Variants in HLCS observed in about 807,000 individuals in gnomAD.
HLCS encodes biotin--protein ligase.
A neutral mutation model predicts 75.0 loss-of-function variants in HLCS; 53 were observed. The observed-to-expected ratio is 0.71, with a 90% confidence interval of 0.57 to 0.89. The LOEUF (loss-of-function observed/expected upper bound fraction) is 0.89. Ranked by LOEUF, HLCS falls within the 40% of genes least tolerant of loss-of-function variation. The probability of loss-of-function intolerance (pLI) is 0.00; values close to 1 mark genes in which losing one functional copy is unlikely to be tolerated. For synonymous variants in HLCS, 431 were observed against 428.6 expected (o/e 1.01, Z -0.07); for missense variants, 966 against 1,074.0 (o/e 0.90, Z 1.41).
At chr21:36,888,432 TAAAA>T (rs1191691491) in intron 6 of HLCS, among the ~76,000 whole-genome samples, 241 of 23,694 alleles carry the variant, frequency 0.01, no homozygotes, top group Admixed American at 0.013. Flanking sequence ...CCTTCCCATT[TAAAA>T]AAAAAAAAAA....
intron 4 of HLCS, among the ~76,000 whole-genome samples, chr21:36,932,310 T>C (rs1201208918): frequency 6.6e-6 from 1 of 152,216 alleles, no homozygotes; most frequent in Non-Finnish European, 1.5e-5. Flanking sequence ...AATTAGCCTA[T>C]GGTAACATTG....
chr21:36,756,181 G>A (rs567390172), intron 10 of HLCS, among the ~76,000 whole-genome samples: 10 of 152,190 alleles, frequency 6.6e-5, no homozygotes, highest in Admixed American at 3.3e-4. Context: ...GCTCACACCT[G>A]TAATCCCAGC....
At chr21:36,775,572 C>G (rs2060332293) in intron 6 of HLCS, among the ~76,000 whole-genome samples, 1 of 152,250 alleles carries the variant, frequency 6.6e-6, no homozygotes, top group South Asian at 2.1e-4. Flanking sequence ...TGACGGCGAG[C>G]CTTCACTGCG....
rs2066924267 is a variant in HLCS, at chr21:36,937,058, T to C, written c.828A>G (p.Pro276=). The change falls in exon 4 of 11, where the codon CCA becomes CCG. Residue 276 remains proline, a synonymous_variant. Coordinates refer to ENST00000674895, the MANE Select transcript of HLCS (RefSeq NM_001352514.2). ...SVKFASAENI[P]DLPYDYSSSL... is the part of the protein sequence containing the mutation. Reference sequence around the variant, plus strand: ...TGCTGCTATAATCGTAGGGAAGGTCTGGAATGTTCTCGGCAGACGCAAACT... The same window carrying C: ...TGCTGCTATAATCGTAGGGAAGGTCCGGAATGTTCTCGGCAGACGCAAACT... 4 of 1,614,140 alleles carry C rather than the reference T, an allele frequency of 2.5e-6. No individual in the cohort carries two copies. The highest frequency in any genetic ancestry group is 3.4e-6 in the Non-Finnish European group (4 of 1,180,028).
chr21:36,860,401 C>T (rs1277617929), intron 6 of HLCS, among the ~76,000 whole-genome samples: 1 of 143,656 alleles, frequency 7.0e-6, no homozygotes, highest in Non-Finnish European at 1.6e-5. Context: ...GGCTAATTCC[C>T]CAAACTAGCC....
intron 5 of HLCS, among the ~76,000 whole-genome samples, chr21:36,900,582 G>A (rs369293296): frequency 6.6e-6 from 1 of 152,134 alleles, no homozygotes; most frequent in African/African-American, 2.4e-5. Context: ...AAGGTCGTGG[G>A]ATGTCCTACC....
chr21:36,890,558 C>T (rs1601643745), intron 6 of HLCS, among the ~76,000 whole-genome samples: 2 of 152,130 alleles, frequency 1.3e-5, no homozygotes, highest in East Asian at 3.9e-4. Context: ...AAACACACTT[C>T]CAAATTTGTG....
intron 6 of HLCS, among the ~76,000 whole-genome samples, chr21:36,882,030 C>G (rs2064241266): frequency 6.6e-6 from 1 of 151,768 alleles, no homozygotes; most frequent in African/African-American, 2.4e-5. Context: ...CGCCTGTAAT[C>G]CCAGCATTTT....
At chr21:36,907,947 C>T (rs2065531439) in intron 5 of HLCS, among the ~76,000 whole-genome samples, 1 of 152,058 alleles carries the variant, frequency 6.6e-6, no homozygotes, top group African/African-American at 2.4e-5. Context: ...TTAGATACCA[C>T]TATACATCCA....
chr21:36,930,131 G>A (rs898954862), intron 5 of HLCS, 120 bp downstream of exon 5: 44 of 928,920 alleles, frequency 4.7e-5, no homozygotes, highest in Non-Finnish European at 7.2e-5. Context: ...TTCCAAACCC[G>A]AAGTCAAAAC....
At chr21:36,872,872 G>A (rs73385297) in intron 6 of HLCS, among the ~76,000 whole-genome samples, 24,233 of 152,082 alleles carry the variant, frequency 0.16, 4,361 homozygotes, top group African/African-American at 0.44. Context: ...GTAGGCATAT[G>A]TGTGCTTTTA....
chr21:36,802,038 C>T (rs2061219921), intron 6 of HLCS, among the ~76,000 whole-genome samples: 2 of 152,136 alleles, frequency 1.3e-5, no homozygotes, highest in African/African-American at 2.4e-5. Context: ...AAGAATACAA[C>T]TATTTTATAC....
At chr21:36,890,753 G>C (rs2146310297) in intron 6 of HLCS, among the ~76,000 whole-genome samples, 2 of 152,198 alleles carry the variant, frequency 1.3e-5, no homozygotes, top group East Asian at 3.9e-4. Context: ...AATCCTCCTA[G>C]ATGTGTAAAC....
At position 36,753,914 on chromosome 21, in the gene HLCS, A is replaced by C. The variant is rs2123553187; in HGVS notation, c.*332T>G. 2 of 405,446 alleles carry C rather than the reference A, an allele frequency of 4.9e-6. No homozygotes were observed. The highest frequency in any genetic ancestry group is 1.1e-4 in the East Asian group (2 of 17,914). 25.1% of individuals were successfully genotyped at this position (405,446 alleles called of 1,614,324 possible). A position where few individuals can be genotyped will look rare whatever the true frequency, so the allele number is the denominator to read the frequency against. On this transcript the variant is annotated 3_prime_UTR_variant, in exon 11 of 11. Coordinates refer to ENST00000674895, the MANE Select transcript of HLCS (RefSeq NM_001352514.2). The surrounding 1 kb of genome is among the most constrained non-coding windows in gnomAD (Gnocchi z 4.3). ...CTAGGGGTAAAGGTCTGCACTACTA[A>C]GAAAATATCTGAATTTTCCCATTGT...
At chr21:36,966,315 G>T in intron 1 of HLCS, 129 bp downstream of exon 1, 1 of 303,096 alleles carries the variant, frequency 3.3e-6, no homozygotes, top group Non-Finnish European at 4.9e-6. Context: ...CTCCCGGGCC[G>T]CACAGGCCGC....
At chr21:36,926,881 T>C (rs1569202455) in intron 5 of HLCS, among the ~76,000 whole-genome samples, 2 of 151,986 alleles carry the variant, frequency 1.3e-5, no homozygotes, top group African/African-American at 2.4e-5. Context: ...TAGCTAGGAC[T>C]ACAGGTATGC....
At chr21:36,851,057 C>T (rs555217764) in intron 6 of HLCS, among the ~76,000 whole-genome samples, 34 of 152,224 alleles carry the variant, frequency 2.2e-4, no homozygotes, top group African/African-American at 7.7e-4. Context: ...TCAGCAAAAG[C>T]TTTTTGTACC....
chr21:36,764,973 G>C, intron 8 of HLCS, 39 bp downstream of exon 8: 2 of 1,604,670 alleles, frequency 1.2e-6, no homozygotes, highest in Non-Finnish European at 1.7e-6. Flanking sequence ...GATTCTGCAT[G>C]CATCCCAGGG....
chr21:36,936,856 G>A lies in HLCS; in HGVS notation c.1030C>T (p.Leu344Phe). The change falls in exon 4 of 11, where the codon CTC (leucine) becomes TTC (phenylalanine). Residue 344 changes from leucine to phenylalanine, a missense_variant. By Grantham distance (22) the Leu-to-Phe change is conservative. Coordinates refer to ENST00000674895, the MANE Select transcript of HLCS (RefSeq NM_001352514.2). ...GCACTGTCCTCCAGCAGGTGGTAGA[G>A]AATATAACTGTCAATGTCCACACAG... ...ADCVDIDSYILYHLLEDSALR... is the reference protein window; with the variant it reads ...ADCVDIDSYIFYHLLEDSALR... 1.2e-6 allele frequency: 2 copies of A among 1,614,156 alleles called. No individual in the cohort carries two copies. The highest frequency in any genetic ancestry group is 1.6e-4 in the Middle Eastern group (1 of 6,062).
Sources: gnomAD v4.1 joint callset for allele counts (sites outside exome capture counted in the v4.1 genomes callset) on GRCh38, gnomAD v4.1.1 for gene constraint, Gnocchi (gnomAD v3.1) non-coding constraint, MANE v1.5 for transcripts, NCBI Gene and HGNC (gene_info 2026-07-23, HGNC 2026-07-21) for gene names.